Variants in ATP6V1A observed in about 807,000 individuals in gnomAD.
ATP6V1A encodes the protein V-type proton ATPase catalytic subunit A.
ATP6V1A carries 18 observed loss-of-function variants against 70.1 expected under a neutral mutation model. That is an observed-to-expected ratio of 0.26 (90% CI 0.18 to 0.38). The LOEUF (loss-of-function observed/expected upper bound fraction) is 0.38. Ranked by LOEUF, ATP6V1A falls within the 10% of genes least tolerant of loss-of-function variation. ATP6V1A has a pLI of 1.00. For missense variants in ATP6V1A, 424 were observed against 772.4 expected, an observed-to-expected ratio of 0.55 and a Z score of 5.35; for synonymous variants, 232 against 253.8, an observed-to-expected ratio of 0.91 and a Z score of 0.82.
intron 12 of ATP6V1A, among the ~76,000 whole-genome samples, chr3:113,800,067 C>T (rs1187213108): frequency 6.6e-6 from 1 of 151,870 alleles, no homozygotes; most frequent in Non-Finnish European, 1.5e-5. Context: ...CCTGTCACTA[C>T]TAAAAATACA....
chr3:113,773,197 C>G (rs534820262), intron 1 of ATP6V1A, among the ~76,000 whole-genome samples: 6 of 152,172 alleles, frequency 3.9e-5, no homozygotes, highest in Non-Finnish European at 4.4e-5. Flanking sequence ...CTTGGCCCCC[C>G]AAAGTGCTGG....
intron 1 of ATP6V1A, among the ~76,000 whole-genome samples, chr3:113,749,913 C>T (rs902453443): frequency 6.6e-6 from 1 of 152,118 alleles, no homozygotes; most frequent in African/African-American, 2.4e-5. Context: ...CTCAGATGGA[C>T]TTTATTAATG....
intron 1 of ATP6V1A, among the ~76,000 whole-genome samples, chr3:113,765,375 C>T (rs7642956): frequency 0.045 from 6,876 of 151,200 alleles, 536 homozygotes; most frequent in African/African-American, 0.16. Context: ...GAGGCCGACG[C>T]GGGCAGTTCA....
chr3:113,750,447 G>A (rs185778542), intron 1 of ATP6V1A, among the ~76,000 whole-genome samples: 8 of 152,088 alleles, frequency 5.3e-5, no homozygotes, highest in South Asian at 2.1e-4. Context: ...ACACCACTGC[G>A]CTCCAGCCTG....
intron 13 of ATP6V1A, 66 bp downstream of exon 13, chr3:113,803,743 C>T: frequency 8.0e-7 from 1 of 1,247,746 alleles, no homozygotes. Flanking sequence ...AAGGAGTACA[C>T]ATTAAAAACC....
At position 113,809,545 on chromosome 3, in the gene ATP6V1A, G is replaced by C; in HGVS notation, c.*118G>C. 1 of 803,968 alleles carries C rather than the reference G, an allele frequency of 1.2e-6. No homozygotes were observed. The allele number at this position is 803,968 out of a possible 1,614,324, so 49.8% of individuals were successfully genotyped here. A position where few individuals can be genotyped will look rare whatever the true frequency, so the allele number is the denominator to read the frequency against. ...TTTATTGTGCAGCTTTGAGACTAGT[G>C]CCTATGTGTGTTATTTGTTTCCCTG... On this transcript the variant is annotated 3_prime_UTR_variant, in exon 15 of 15. Coordinates refer to ENST00000273398, the MANE Select transcript of ATP6V1A (RefSeq NM_001690.4).
chr3:113,782,107 T>C (rs1048985938), intron 3 of ATP6V1A, among the ~76,000 whole-genome samples: 9 of 152,196 alleles, frequency 5.9e-5, no homozygotes, highest in African/African-American at 9.7e-5. Context: ...TCTTTGAGTA[T>C]TTAATCAAGA....
intron 1 of ATP6V1A, among the ~76,000 whole-genome samples, chr3:113,762,796 A>G (rs35113220): frequency 0.017 from 2,569 of 152,296 alleles, 24 homozygotes; most frequent in Non-Finnish European, 0.027. Context: ...GTAGGATTTC[A>G]GATAAATTAA....
intron 1 of ATP6V1A, among the ~76,000 whole-genome samples, chr3:113,771,429 C>CTCTT (rs1207415502): frequency 8.9e-6 from 1 of 112,596 alleles, no homozygotes; most frequent in Non-Finnish European, 1.8e-5. Context: ...ATATTTTTCT[C>CTCTT]TTTTTTTTTT....
At chr3:113,801,364 A>G (rs990719749) in intron 12 of ATP6V1A, among the ~76,000 whole-genome samples, 2 of 152,208 alleles carry the variant, frequency 1.3e-5, no homozygotes, top group Non-Finnish European at 2.9e-5. Context: ...AAGGAATCTC[A>G]AAAGACTAAT....
chr3:113,806,094 G>A (rs953881330), intron 14 of ATP6V1A, among the ~76,000 whole-genome samples: 3 of 152,096 alleles, frequency 2.0e-5, no homozygotes, highest in Non-Finnish European at 2.9e-5. Flanking sequence ...GCAACATGTC[G>A]AAATCCCGTC....
chr3:113,774,452 A>G lies in ATP6V1A; in HGVS notation c.-13-4289A>G, dbSNP rs1708885763. Among the ~76,000 whole-genome samples the G allele has an allele frequency of 3.9e-5, 6 of 152,178 alleles. No individual in the cohort carries two copies. In the South Asian group the frequency reaches 1.2e-3, roughly 31 times the overall value. ...AAACTGAGGCTCAAAAGGATGAAAC[A>G]ATTTGATTTGCCTAAGGACACAACT... On this transcript the variant is annotated intron_variant, in intron 1 of 14. Transcript: ENST00000273398.
chr3:113,782,704 A>G (rs1416938419), intron 3 of ATP6V1A, among the ~76,000 whole-genome samples: 5 of 150,804 alleles, frequency 3.3e-5, no homozygotes, highest in African/African-American at 1.2e-4. Flanking sequence ...GCTTACTGCA[A>G]CCTCCGCCTC....
chr3:113,784,334 G>A lies in ATP6V1A; in HGVS notation c.322G>A (p.Asp108Asn), dbSNP rs1167903197. Residue 108 changes from aspartate (D) to asparagine (N), a missense_variant, in exon 4 of 15, where the codon GAT becomes AAT. Asp to Asn is a conservative substitution (Grantham distance 23). Coordinates refer to ENST00000273398, the MANE Select transcript of ATP6V1A (RefSeq NM_001690.4). ...IFDGIQRPLS[D>N]ISSQTQSIYI... ...TGATGGTATTCAAAGACCTTTGTCG[G>A]ATATCAGCAGTCAGACCCAAAGCAT... The A allele has an allele frequency of 3.1e-6, 5 of 1,613,992 alleles. No individual in the cohort carries two copies. Among genetic ancestry groups the A allele is most frequent in the African/African-American group, 2.7e-5 (2 of 74,926 alleles).
At chr3:113,777,554 A>C (rs1469205039) in intron 1 of ATP6V1A, among the ~76,000 whole-genome samples, 1 of 152,168 alleles carries the variant, frequency 6.6e-6, no homozygotes, top group African/African-American at 2.4e-5. Context: ...CCAGGAGTTT[A>C]AGACCGGCCT....
chr3:113,796,599 A>G (rs1237793105), intron 11 of ATP6V1A, among the ~76,000 whole-genome samples: 1 of 152,206 alleles, frequency 6.6e-6, no homozygotes, highest in Non-Finnish European at 1.5e-5. Context: ...CAGCTTGGCT[A>G]TTAAAAGAAG....
intron 3 of ATP6V1A, among the ~76,000 whole-genome samples, chr3:113,782,596 A>G (rs933688923): frequency 1.4e-5 from 2 of 146,990 alleles, no homozygotes; most frequent in Admixed American, 6.9e-5. Context: ...ACATATATAT[A>G]TATATACATA....
At chr3:113,786,183 GA>G (rs1559756732) in intron 5 of ATP6V1A, 48 bp from the exon 6 acceptor site, 1 of 1,514,980 alleles carries the variant, frequency 6.6e-7, no homozygotes, top group East Asian at 2.4e-5. Context: ...TTTGAAGGAA[GA>G]AATGTTCACA....
At chr3:113,774,370 T>A (rs1708885051) in intron 1 of ATP6V1A, among the ~76,000 whole-genome samples, 1 of 152,230 alleles carries the variant, frequency 6.6e-6, no homozygotes, top group Admixed American at 6.5e-5. Context: ...CAGTATTACT[T>A]TTCTGTTAGG....
Sources: allele counts gnomAD v4.1 joint callset (sites outside exome capture counted in the v4.1 genomes callset), GRCh38; gene constraint gnomAD v4.1.1; transcripts MANE v1.5; gene names NCBI Gene and HGNC (gene_info 2026-07-23, HGNC 2026-07-21).